The following DRD2 variants were observed in gnomAD, a reference collection of about 807,000 sequenced individuals.
DRD2 encodes D(2) dopamine receptor.
DRD2 carries 8 observed loss-of-function variants against 38.0 expected under a neutral mutation model. The ratio of observed to expected loss-of-function variants is 0.21; its 90% confidence interval spans 0.12 to 0.38. DRD2 has a LOEUF of 0.38. Ranked by LOEUF, DRD2 falls within the 10% of genes least tolerant of loss-of-function variation. The pLI, the probability that DRD2 is intolerant of heterozygous loss-of-function variation, is 1.00. For synonymous variants in DRD2, 230 were observed against 238.6 expected (o/e 0.96, Z 0.33); for missense variants, 403 against 607.7 (o/e 0.66, Z 3.54).
intron 1 of DRD2, among the ~76,000 whole-genome samples, chr11:113,444,562 G>A (rs1026721313): frequency 3.3e-5 from 5 of 152,170 alleles, no homozygotes; most frequent in South Asian, 2.1e-4. Flanking sequence ...AGTCTCTAAC[G>A]GGGCTGTATG....
intron 6 of DRD2, 102 bp from the exon 7 acceptor site, chr11:113,412,985 A>G: frequency 7.6e-7 from 1 of 1,321,214 alleles, no homozygotes; most frequent in African/African-American, 1.4e-5. Context: ...AGACTCCTGC[A>G]AACACCACAG....
At chr11:113,460,455 C>A (rs1289555621) in intron 1 of DRD2, among the ~76,000 whole-genome samples, 2 of 152,234 alleles carry the variant, frequency 1.3e-5, no homozygotes, top group Non-Finnish European at 2.9e-5. Context: ...AGCTGCCAGC[C>A]TCCAAAAGCT....
chr11:113,423,693 C>T (rs1324451156), intron 2 of DRD2, among the ~76,000 whole-genome samples: 1 of 152,252 alleles, frequency 6.6e-6, no homozygotes, highest in African/African-American at 2.4e-5. Flanking sequence ...GCCTACTCCC[C>T]ATTTTGAGGT....
intron 1 of DRD2, among the ~76,000 whole-genome samples, chr11:113,456,169 A>G (rs1007037254): frequency 1.3e-5 from 2 of 152,246 alleles, no homozygotes; most frequent in African/African-American, 4.8e-5. Flanking sequence ...GGGACATTAC[A>G]CTAAATGAAA....
intron 1 of DRD2, among the ~76,000 whole-genome samples, chr11:113,464,542 C>T (rs547641583): frequency 1.2e-4 from 18 of 152,314 alleles, no homozygotes; most frequent in African/African-American, 3.8e-4. Flanking sequence ...AATCAACTTC[C>T]AACAGCTTGG....
At chr11:113,418,198 G>T in intron 2 of DRD2, 62 bp from the exon 3 acceptor site, 2 of 1,388,732 alleles carry the variant, frequency 1.4e-6, no homozygotes, top group Non-Finnish European at 2.0e-6. Flanking sequence ...AGGTCCTGTA[G>T]CCTGGTACTC....
intron 1 of DRD2, among the ~76,000 whole-genome samples, chr11:113,463,016 G>A (rs963749834): frequency 6.6e-6 from 1 of 152,060 alleles, no homozygotes; most frequent in African/African-American, 2.4e-5. Context: ...CATTCAAGGA[G>A]CATATGCACG....
chr11:113,425,607 G>T (rs570939650), intron 1 of DRD2, among the ~76,000 whole-genome samples: 1 of 152,176 alleles, frequency 6.6e-6, no homozygotes, highest in African/African-American at 2.4e-5. Context: ...GGAGAGGAGG[G>T]GCCCAGAGTG....
chr11:113,449,925 C>T (rs1435660079), intron 1 of DRD2: 4 of 152,662 alleles, frequency 2.6e-5, no homozygotes, highest in Non-Finnish European at 5.9e-5. Flanking sequence ...TGATTGCTCC[C>T]TGAGCTACCG....
At chr11:113,434,023 C>T (rs546617344) in intron 1 of DRD2, among the ~76,000 whole-genome samples, 58 of 152,274 alleles carry the variant, frequency 3.8e-4, no homozygotes, top group Non-Finnish European at 6.5e-4. Context: ...CTCAGCATAG[C>T]ACACCCTGGC....
rs1950782033 is a variant in DRD2 at position 113,412,767 on chromosome 11, G to A, written c.927C>T (p.Asp309=). The A allele has an allele frequency of 1.9e-6, 3 of 1,613,700 alleles. No individual in the cohort carries two copies. The highest frequency in any genetic ancestry group is 3.3e-5 in the Admixed American group (2 of 60,000). The change falls in exon 7 of 8, where the codon GAC becomes GAT. Residue 309 remains aspartate (D), a synonymous_variant. Coordinates refer to ENST00000362072, the MANE Select transcript of DRD2 (RefSeq NM_000795.4). ...PPSHHQLTLP[D]PSHHGLHSTP... ...TGCTGTGGAGACCATGGTGGGACGGGTCGGGGAGAGTCAGCTGGTGGTGGC... is the reference window on the plus strand; with the variant it reads ...TGCTGTGGAGACCATGGTGGGACGGATCGGGGAGAGTCAGCTGGTGGTGGC...
intron 1 of DRD2, 59 bp from the exon 2 acceptor site, chr11:113,424,741 G>C (rs1019677701): frequency 2.7e-6 from 4 of 1,505,506 alleles, no homozygotes; most frequent in Non-Finnish European, 3.7e-6. Context: ...GAGGTCTCCA[G>C]GAAGAAGACC....
rs1235361353 is a variant in DRD2 at position 113,409,767 on chromosome 11, C to T, written c.*960G>A. The T allele has an allele frequency of 2.0e-5, 3 of 152,980 alleles. No homozygotes were observed. Among genetic ancestry groups the T allele is most frequent in the African/African-American group, 7.2e-5 (3 of 41,462 alleles). The allele number at this position is 152,980 out of a possible 1,614,324, so 9.5% of individuals were successfully genotyped here. ...TTCAGCAGCCTCTTAGCCGTGGGCT[C>T]CTCTAAGGCAGAGGCAGTGGAAGGG... On this transcript the variant is annotated 3_prime_UTR_variant, in exon 8 of 8. Transcript: ENST00000362072.
intron 1 of DRD2, among the ~76,000 whole-genome samples, chr11:113,446,588 C>A (rs1951151843): frequency 6.6e-6 from 1 of 152,174 alleles, no homozygotes; most frequent in Admixed American, 6.5e-5. Context: ...AGTTGCAAAA[C>A]CTCTGTTTCC....
At chr11:113,419,016 G>A (rs1251682362) in intron 2 of DRD2, among the ~76,000 whole-genome samples, 2 of 152,200 alleles carry the variant, frequency 1.3e-5, no homozygotes, top group African/African-American at 4.8e-5. Context: ...CTGTAAATTA[G>A]ATTCCAGGTA....
intron 6 of DRD2, chr11:113,413,408 G>A: frequency 1.9e-6 from 1 of 515,960 alleles, no homozygotes; most frequent in South Asian, 1.4e-5. Context: ...GCTGACCCCT[G>A]GGGCCCCACA....
chr11:113,414,559 G>T, intron 5 of DRD2, 98 bp from the exon 6 acceptor site: 1 of 1,277,978 alleles, frequency 7.8e-7, no homozygotes. Flanking sequence ...AGACTGGGCA[G>T]AAGGGCTCAG....
rs67577307 is a variant in DRD2 at position 113,439,838 on chromosome 11, CAAAAAAAAAAAAAAA to C, written c.-31-15171_-31-15157del. Among the ~76,000 whole-genome samples, 14 of 16,252 alleles carry C rather than the reference CAAAAAAAAAAAAAAA, an allele frequency of 8.6e-4. No homozygotes were observed. The South Asian group carries it at 0.014, about 16-fold the overall frequency. 10.7% of individuals were successfully genotyped at this position (16,252 alleles called of 152,430 possible). On this transcript the variant is annotated intron_variant, in intron 1 of 7. Transcript: ENST00000362072. ...TGGGTGACAGAGGGAGGCTCTGTCT[CAAAAAAAAAAAAAAA>C]AAAAAAAAAAAAAAAAAAAAAGCTA...
At chr11:113,432,291 TC>T (rs1950994554) in intron 1 of DRD2, among the ~76,000 whole-genome samples, 1 of 6,832 alleles carries the variant, frequency 1.5e-4, no homozygotes, top group Non-Finnish European at 6.2e-4. Context: ...CCTCTCTTTC[TC>T]TCTCTCTCTC....
Sources: gnomAD v4.1 joint callset for allele counts (sites outside exome capture counted in the v4.1 genomes callset) on GRCh38, gnomAD v4.1.1 for gene constraint, MANE v1.5 for transcripts, NCBI Gene and HGNC (gene_info 2026-07-23, HGNC 2026-07-21) for gene names.